SERPINB7: variants seen among roughly 807,000 people sequenced by gnomAD.
SERPINB7 encodes the protein serpin family B member 7.
SERPINB7 carries 31 observed loss-of-function variants against 37.4 expected under a neutral mutation model. That is an observed-to-expected ratio of 0.83 (90% CI 0.62 to 1.12). The LOEUF (loss-of-function observed/expected upper bound fraction) is 1.12. Ranked by LOEUF, SERPINB7 falls within the 50% of genes most tolerant of loss-of-function variation. SERPINB7 has a pLI of 0.00. For synonymous variants in SERPINB7, 163 were observed against 166.1 expected (o/e 0.98, Z 0.14); for missense variants, 521 against 455.3 (o/e 1.14, Z -1.31).
intron 2 of SERPINB7, among the ~76,000 whole-genome samples, chr18:63,785,636 G>T (rs977710761): frequency 2.0e-5 from 3 of 151,836 alleles, no homozygotes; most frequent in Non-Finnish European, 4.4e-5. Flanking sequence ...GTGCCATGAA[G>T]GCTGCTCACC....
Position 63,801,023 on chromosome 18 carries a change from A to G in SERPINB7, c.744+11A>G, listed in dbSNP as rs749870067. On this transcript the variant is annotated intron_variant, in intron 7 of 7. Transcript: ENST00000398019. ...AATGACCTCTCTGAAGTAAGTTACGACTGTCATTTTCACTATTGGGAAATA... is the reference window on the plus strand; with the variant it reads ...AATGACCTCTCTGAAGTAAGTTACGGCTGTCATTTTCACTATTGGGAAATA... 5 of 1,611,006 alleles carry G rather than the reference A, an allele frequency of 3.1e-6. No individual in the cohort carries two copies. The highest frequency in any genetic ancestry group is 4.2e-6 in the Non-Finnish European group (5 of 1,178,934).
At chr18:63,799,725 G>T (rs1312403313) in intron 6 of SERPINB7, among the ~76,000 whole-genome samples, 1 of 152,156 alleles carries the variant, frequency 6.6e-6, no homozygotes, top group African/African-American at 2.4e-5. Context: ...CACTAAGCAG[G>T]TAGATTTCAT....
intron 2 of SERPINB7, among the ~76,000 whole-genome samples, chr18:63,788,237 C>T (rs1049690279): frequency 6.6e-6 from 1 of 152,192 alleles, no homozygotes. Flanking sequence ...CGTGGTAATG[C>T]TCCGAAGACC....
At position 63,800,895 on chromosome 18, in the gene SERPINB7, T is replaced by A; in HGVS notation, c.627T>A (p.His209Gln). ...CTGGGAAGGCAGTCGCCATGATGCA[T>A]CAGGAACGGAAGTTCAATTTGTCTG... ...KCSGKAVAMM[H>Q]QERKFNLSVI... The change falls in exon 7 of 8, where the codon CAT becomes CAA. Residue 209 changes from histidine (H) to glutamine (Q), a missense_variant. His to Gln is a conservative substitution (Grantham distance 24, BLOSUM62 0). Transcript: ENST00000398019. 6.2e-7 allele frequency: 1 copy of A among 1,613,870 alleles called. No homozygotes were observed. Among genetic ancestry groups the A allele is most frequent in the Non-Finnish European group, 8.5e-7 (1 of 1,179,852 alleles).
At chr18:63,796,051 A>G (rs781438009) in intron 4 of SERPINB7, among the ~76,000 whole-genome samples, 1 of 152,198 alleles carries the variant, frequency 6.6e-6, no homozygotes, top group Non-Finnish European at 1.5e-5. Flanking sequence ...GATAAACTTA[A>G]GTTTAAACAG....
intron 2 of SERPINB7, among the ~76,000 whole-genome samples, chr18:63,783,186 A>AAGAGAGAG (rs1200340375): frequency 3.2e-4 from 24 of 75,314 alleles, no homozygotes; most frequent in Non-Finnish European, 5.1e-4. Flanking sequence ...GAAAGAAAGA[A>AAGAGAGAG]AGAGAGAGAG....
chr18:63,765,160 A>G (rs923255702), intron 1 of SERPINB7, among the ~76,000 whole-genome samples: 1 of 152,156 alleles, frequency 6.6e-6, no homozygotes, highest in African/African-American at 2.4e-5. Context: ...CCTCAAACTT[A>G]AGTCCCCAAA....
chr18:63,804,283 C>T lies in SERPINB7; in HGVS notation c.791C>T (p.Pro264Leu), dbSNP rs1197182814. ...CAGAATCTAATGGAATGGACCAATC[C>T]AAGGCGAATGACCTCTAAGTATGTT... ...TFQNLMEWTNPRRMTSKYVEV... is the reference protein window; with the variant it reads ...TFQNLMEWTNLRRMTSKYVEV... Residue 264 changes from proline (P) to leucine (L), a missense_variant, in exon 8 of 8, where the codon CCA (proline) becomes CTA (leucine). Pro to Leu is a moderately conservative substitution (Grantham distance 98, BLOSUM62 -3). Coordinates refer to ENST00000398019, the MANE Select transcript of SERPINB7 (RefSeq NM_003784.4). 6.2e-7 allele frequency: 1 copy of T among 1,603,032 alleles called. No individual in the cohort carries two copies. Among genetic ancestry groups the T allele is most frequent in the Non-Finnish European group, 8.5e-7 (1 of 1,176,150 alleles).
upstream of SERPINB7, among the ~76,000 whole-genome samples, chr18:63,774,551 G>T (rs76335224): frequency 5.9e-5 from 9 of 151,622 alleles, no homozygotes; most frequent in East Asian, 1.8e-3. Context: ...GATGGCAAAG[G>T]TGTAGGCAAC....
chr18:63,790,071 ATAATTAGGTGATAAAAACTAC>A (rs1170608544), intron 2 of SERPINB7, among the ~76,000 whole-genome samples: 3 of 152,234 alleles, frequency 2.0e-5, no homozygotes, highest in Non-Finnish European at 4.4e-5. Flanking sequence ...TCACTTGCAA[ATAATTAGGTGATAAAAACTAC>A]AACTTAATAA....
intron 2 of SERPINB7, among the ~76,000 whole-genome samples, chr18:63,785,199 T>C (rs1228228816): frequency 6.6e-6 from 1 of 152,240 alleles, no homozygotes; most frequent in Non-Finnish European, 1.5e-5. Flanking sequence ...AAATTAATTT[T>C]CAGCTTCTCC....
rs1383471786 is a variant in SERPINB7, at chr18:63,775,732, A to T, written c.-19+16A>T. ...AGATGCTAGCGTGAGTACACTGTTG[A>T]TTTGCTTATCCAATTATTGATTTAC... On this transcript the variant is annotated intron_variant, in intron 1 of 7. Transcript: ENST00000398019. The T allele has an allele frequency of 6.6e-6, 1 of 152,082 alleles. No individual in the cohort carries two copies. Among genetic ancestry groups the T allele is most frequent in the East Asian group, 1.9e-4 (1 of 5,188 alleles). The allele number at this position is 152,082 out of a possible 1,614,324, so 9.4% of individuals were successfully genotyped here.
At chr18:63,786,505 A>T (rs2049374669) in intron 2 of SERPINB7, among the ~76,000 whole-genome samples, 1 of 152,126 alleles carries the variant, frequency 6.6e-6, no homozygotes, top group Non-Finnish European at 1.5e-5. Flanking sequence ...AAAAGCATTT[A>T]AAAATAATCA....
In SERPINB7 at chr18:63,789,109, G is replaced by GACATTATGTCATA. The variant is rs529376037; in HGVS notation, c.169-3282_169-3270dup. Among the ~76,000 whole-genome samples the GACATTATGTCATA allele has an allele frequency of 4.9e-3, 750 of 152,240 alleles. 3 individuals carry two copies. The highest frequency in any genetic ancestry group is 6.5e-3 in the South Asian group (31 of 4,806). On this transcript the variant is annotated intron_variant, in intron 2 of 7. Coordinates refer to ENST00000398019, the MANE Select transcript of SERPINB7 (RefSeq NM_003784.4). Reference sequence around the variant, plus strand: ...ACATAGCCATTTATATTTTTCTCAAGACATTATGTCATAATCAAATATGAC... The same window carrying GACATTATGTCATA: ...ACATAGCCATTTATATTTTTCTCAAGACATTATGTCATAACATTATGTCATAATCAAATATGAC...
chr18:63,800,353 C>T (rs984843411), intron 6 of SERPINB7, among the ~76,000 whole-genome samples: 14 of 151,984 alleles, frequency 9.2e-5, no homozygotes, highest in Non-Finnish European at 1.6e-4. Context: ...TGAGCCACAG[C>T]GCCTGGTCTT....
At position 63,776,695 on chromosome 18, in the gene SERPINB7, A is replaced by G. The variant is rs111334894; in HGVS notation, c.-19+979A>G. Among the ~76,000 whole-genome samples the G allele has an allele frequency of 5.8e-4, 88 of 150,816 alleles. 1 individual carries two copies. The highest frequency in any genetic ancestry group is 2.1e-3 in the African/African-American group (86 of 40,990). ...AGACAAAGGGAAGAAGTGGGTCCCAATGGACGTCTAACAAGGACTGGGGGG... is the reference window on the plus strand; with the variant it reads ...AGACAAAGGGAAGAAGTGGGTCCCAGTGGACGTCTAACAAGGACTGGGGGG... On this transcript the variant is annotated intron_variant, in intron 1 of 7. Transcript: ENST00000398019.
rs2049488544 is a variant in SERPINB7 at position 63,796,338 on chromosome 18, G to T, written c.409G>T (p.Asp137Tyr). The T allele has an allele frequency of 1.2e-6, 2 of 1,612,128 alleles. No homozygotes were observed. The highest frequency in any genetic ancestry group is 2.7e-5 in the African/African-American group (2 of 74,998). The part of the protein sequence containing the change: ...ERVDFTNHLE[D>Y]TRRNINKWVE... The stretch of plus-strand genomic sequence containing the variant: ...AGTTGACTTTACGAATCATTTAGAA[G>T]ACACTAGACGTAATATTAATAAGTG... The change falls in exon 5 of 8, where the codon GAC (aspartate) becomes TAC (tyrosine). Residue 137 changes from aspartate to tyrosine, a missense_variant. Physicochemically the swap from Asp to Tyr is radical, Grantham distance 160 (BLOSUM62 -3). Coordinates refer to ENST00000398019, the MANE Select transcript of SERPINB7 (RefSeq NM_003784.4).
chr18:63,755,737 T>TA (rs956195001), intron 1 of SERPINB7, among the ~76,000 whole-genome samples: 35 of 151,284 alleles, frequency 2.3e-4, no homozygotes, highest in Non-Finnish European at 2.7e-4. Context: ...TACAAAAAAT[T>TA]AAAAAAAATA....
rs757798785 is a variant in SERPINB7, at chr18:63,796,312, G to A, written c.383G>A (p.Arg128Gln). 10 of 1,613,158 alleles carry A rather than the reference G, an allele frequency of 6.2e-6. No individual in the cohort carries two copies. In the South Asian group the frequency reaches 1.1e-4, roughly 18 times the overall value. The change falls in exon 5 of 8, where the codon CGA becomes CAA. Residue 128 changes from arginine to glutamine, a missense_variant. Transcript: ENST00000398019. ...AEKLYDAKVE[R>Q]VDFTNHLEDT... ...AAATTATACGATGCCAAAGTGGAGC[G>A]AGTTGACTTTACGAATCATTTAGAA... is the stretch of plus-strand genomic sequence containing the variant.
Sources: allele counts gnomAD v4.1 joint callset (sites outside exome capture counted in the v4.1 genomes callset), GRCh38; gene constraint gnomAD v4.1.1; transcripts MANE v1.5; gene names NCBI Gene and HGNC (gene_info 2026-07-23, HGNC 2026-07-21).